SMARCAD1: variants seen among roughly 807,000 people sequenced by gnomAD.
The protein encoded by SMARCAD1 is SNF2 related chromatin remodeling ATPase with DExD box 1.
A neutral mutation model predicts 127.1 loss-of-function variants in SMARCAD1; 25 were observed. The ratio of observed to expected loss-of-function variants is 0.20; its 90% confidence interval spans 0.14 to 0.27. The LOEUF (loss-of-function observed/expected upper bound fraction) is 0.27, where lower values mean the gene tolerates loss of function less well. SMARCAD1 is among the 10% of genes least tolerant of loss of function. SMARCAD1 has a pLI of 1.00. For missense variants in SMARCAD1, 807 were observed against 1,206.0 expected (o/e 0.67, Z 4.90); for synonymous variants, 400 against 396.9 (o/e 1.01, Z -0.09).
At position 94,253,644 on chromosome 4, in the gene SMARCAD1, G is replaced by A. The variant is rs184266956; in HGVS notation, c.1281+637G>A. 2.1e-3 allele frequency: 2,141 copies of A among 1,030,246 alleles called. 4 individuals are homozygous for A. Among genetic ancestry groups the A allele is most frequent in the Non-Finnish European group, 2.4e-3 (2,062 of 856,108 alleles). 63.8% of individuals were successfully genotyped at this position (1,030,246 alleles called of 1,614,324 possible). A position where few individuals can be genotyped will look rare whatever the true frequency, so the allele number is the denominator to read the frequency against. ...ATTTCTGGAAGCCTATAATTCAAGC[G>A]TTAGGTGAAGGGAAGGCATAAGCAC... On this transcript the variant is annotated intron_variant, in intron 9 of 23. Transcript: ENST00000354268.
intron 6 of SMARCAD1, among the ~76,000 whole-genome samples, chr4:94,248,866 G>A (rs866655440): frequency 2.9e-4 from 44 of 152,142 alleles, no homozygotes; most frequent in Admixed American, 7.9e-4. Context: ...TCAGTTGTTG[G>A]ATAATAAAGG....
Position 94,250,757 on chromosome 4 carries a change from T to C in SMARCAD1, c.813T>C (p.Leu271=), listed in dbSNP as rs771088396. The C allele has an allele frequency of 6.3e-7, 1 of 1,594,766 alleles. No individual in the cohort carries two copies. The highest frequency in any genetic ancestry group is 8.5e-7 in the Non-Finnish European group (1 of 1,172,720). The change falls in exon 8 of 24, where the codon CTT becomes CTC. Residue 271 remains leucine (L), a synonymous_variant. Coordinates refer to ENST00000354268, the MANE Select transcript of SMARCAD1 (RefSeq NM_020159.5). Reference sequence around the variant, plus strand: ...GATAAATGACTTATTTCTAGGAACTTAGAGAAGTACTCAAGGAACATGAAT... The same window carrying C: ...GATAAATGACTTATTTCTAGGAACTCAGAGAAGTACTCAAGGAACATGAAT... ...KEFPNFDKQE[L]REVLKEHEWM...
intron 2 of SMARCAD1, among the ~76,000 whole-genome samples, chr4:94,223,874 C>T (rs1744581740): frequency 2.0e-5 from 3 of 151,988 alleles, no homozygotes; most frequent in South Asian, 2.1e-4. Context: ...AGCCACCGCA[C>T]CTGGCCTCTC....
chr4:94,253,545 T>C (rs751372131), intron 9 of SMARCAD1: 148 of 1,105,186 alleles, frequency 1.3e-4, no homozygotes, highest in Non-Finnish European at 1.6e-4. Flanking sequence ...CTAACATGTT[T>C]TTGTTGGTTA....
chr4:94,280,974 T>C (rs905789417), intron 20 of SMARCAD1, among the ~76,000 whole-genome samples, 194 bp downstream of exon 20: 7 of 126,828 alleles, frequency 5.5e-5, no homozygotes, highest in Non-Finnish European at 1.2e-4. Flanking sequence ...ACAAAAACAA[T>C]AGAAAGTTAG....
chr4:94,270,892 T>A (rs1752451838), intron 11 of SMARCAD1, 74 bp downstream of exon 11: 1 of 1,428,676 alleles, frequency 7.0e-7, no homozygotes, highest in Non-Finnish European at 9.8e-7. Flanking sequence ...ATTTAAAACA[T>A]GAAACTTTTT....
Position 94,208,073 on chromosome 4 carries a change from A to C in SMARCAD1, c.-50+3A>C. ...GGAACGTGCCTGCGCGTGCTTGGGTAAGAGGAGGTTGCATGAGGGTCAGCT... is the reference window on the plus strand; with the variant it reads ...GGAACGTGCCTGCGCGTGCTTGGGTCAGAGGAGGTTGCATGAGGGTCAGCT... On this transcript the variant is annotated splice_donor_region_variant and intron_variant, in intron 1 of 23. Transcript: ENST00000354268. The C allele has an allele frequency of 4.0e-6, 2 of 501,030 alleles. No individual in the cohort carries two copies. The highest frequency in any genetic ancestry group is 1.9e-5 in the African/African-American group (1 of 52,022). The allele number at this position is 501,030 out of a possible 1,614,324, so 31.0% of individuals were successfully genotyped here.
chr4:94,289,491 C>A lies in SMARCAD1; in HGVS notation c.3038C>A (p.Pro1013Gln). 6.2e-7 allele frequency: 1 copy of A among 1,612,916 alleles called. No individual in the cohort carries two copies. The highest frequency in any genetic ancestry group is 2.2e-5 in the East Asian group (1 of 44,764). ...TVDEGDEGSM[P>Q]ADIATLLKTS... The stretch of plus-strand genomic sequence containing the variant: ...CCTACAGGTGATGAAGGGAGTATGC[C>A]AGCAGATATAGCCACATTACTAAAA... Residue 1013 changes from proline to glutamine, a missense_variant, in exon 24 of 24, where the codon CCA (proline) becomes CAA (glutamine). This residue lies in a region of SMARCAD1 where 36 missense variants were observed against 67.4 expected (regional missense o/e 0.53). Transcript: ENST00000354268.
intron 9 of SMARCAD1, among the ~76,000 whole-genome samples, chr4:94,259,661 A>G (rs1750655701): frequency 6.6e-6 from 1 of 152,152 alleles, no homozygotes; most frequent in Admixed American, 6.5e-5. Flanking sequence ...ACTCCCCTTC[A>G]TTGCCTCCCC....
intron 6 of SMARCAD1, among the ~76,000 whole-genome samples, chr4:94,242,995 CAG>C (rs1319126659): frequency 6.6e-6 from 1 of 152,154 alleles, no homozygotes; most frequent in Non-Finnish European, 1.5e-5. Flanking sequence ...CTTTTCGAGA[CAG>C]AGTCTCATCC....
chr4:94,290,009 A>G lies in SMARCAD1; in HGVS notation c.*475A>G, dbSNP rs1184424065. The G allele has an allele frequency of 2.2e-6, 1 of 454,340 alleles. No individual in the cohort carries two copies. The highest frequency in any genetic ancestry group is 4.4e-6 in the Non-Finnish European group (1 of 226,776). 28.1% of individuals were successfully genotyped at this position (454,340 alleles called of 1,614,324 possible). ...TATGTTAAAGAATGCAGCTGTATAGATTATATAGCTTTCATTTTATTGCTA... is the reference window on the plus strand; with the variant it reads ...TATGTTAAAGAATGCAGCTGTATAGGTTATATAGCTTTCATTTTATTGCTA... On this transcript the variant is annotated 3_prime_UTR_variant, in exon 24 of 24. Transcript: ENST00000354268.
At chr4:94,252,380 A>T (rs1315261065) in intron 8 of SMARCAD1, among the ~76,000 whole-genome samples, 1 of 152,192 alleles carries the variant, frequency 6.6e-6, no homozygotes, top group Non-Finnish European at 1.5e-5. Flanking sequence ...TTTGTTAGAA[A>T]ACAGAGATTT....
intron 10 of SMARCAD1, among the ~76,000 whole-genome samples, chr4:94,267,120 C>G (rs534960772): frequency 2.0e-5 from 3 of 151,986 alleles, no homozygotes; most frequent in African/African-American, 7.2e-5. Flanking sequence ...TATATTTAAT[C>G]AAGTGTGTCT....
At chr4:94,228,285 CTT>C (rs1434917047) in intron 3 of SMARCAD1, among the ~76,000 whole-genome samples, 1 of 152,144 alleles carries the variant, frequency 6.6e-6, no homozygotes, top group Non-Finnish European at 1.5e-5. Context: ...CTCTCACAGT[CTT>C]TTCAGAATTA....
Position 94,208,515 on chromosome 4 carries a change from G to GAAGAGGAGA in SMARCAD1, c.123_131dup (p.Glu43_Asn44insLysGluGlu), listed in dbSNP as rs1560504637. 1 of 1,614,138 alleles carries GAAGAGGAGA rather than the reference G, an allele frequency of 6.2e-7. No individual in the cohort carries two copies. The highest frequency in any genetic ancestry group is 2.2e-5 in the East Asian group (1 of 44,876). ...TTCTTCACCAATTTCTCTTAGTGCT[G>GAAGAGGAGA]AAGAGGAGAATGCTGAAGGGGAAGT... On this transcript the variant is annotated inframe_insertion, in exon 2 of 24. Coordinates refer to ENST00000354268, the MANE Select transcript of SMARCAD1 (RefSeq NM_020159.5).
rs1225859271 is a variant in SMARCAD1 at position 94,290,508 on chromosome 4, G to A, written c.*974G>A. The stretch of plus-strand genomic sequence containing the variant: ...TCATCTAAAGGCAGCATTAGGTACT[G>A]CATGGAAATAGGTCATTAACTTGAA... On this transcript the variant is annotated 3_prime_UTR_variant, in exon 24 of 24. Transcript: ENST00000354268. The A allele has an allele frequency of 2.2e-6, 1 of 454,468 alleles. No individual in the cohort carries two copies. Among genetic ancestry groups the A allele is most frequent in the Non-Finnish European group, 4.4e-6 (1 of 226,764 alleles). 28.2% of individuals were successfully genotyped at this position (454,468 alleles called of 1,614,324 possible).
Position 94,215,160 on chromosome 4 carries a change from A to G in SMARCAD1, c.190+6576A>G, listed in dbSNP as rs115826782. On this transcript the variant is annotated intron_variant, in intron 2 of 23. Transcript: ENST00000354268. Reference sequence around the variant, plus strand: ...GTCTTTTTGTAGGTGTCTGTGGCCAAAATGTGAGCCATCGTTAAACCTGTA... The same window carrying G: ...GTCTTTTTGTAGGTGTCTGTGGCCAGAATGTGAGCCATCGTTAAACCTGTA... Among the ~76,000 whole-genome samples, 439 of 152,306 alleles carry G rather than the reference A, an allele frequency of 2.9e-3. 2 individuals carry two copies. The highest frequency in any genetic ancestry group is 0.01 in the African/African-American group (416 of 41,560).
rs145651777 is a variant in SMARCAD1, at chr4:94,208,361, C to G, written c.-34C>G. The stretch of plus-strand genomic sequence containing the variant: ...TCCCCTGCAGATAGTTCATTTAAAG[C>G]CCCCATCCCTGCAAGGTGGTGCTTT... On this transcript the variant is annotated 5_prime_UTR_variant, in exon 2 of 24. Coordinates refer to ENST00000354268, the MANE Select transcript of SMARCAD1 (RefSeq NM_020159.5). 105 of 1,607,186 alleles carry G rather than the reference C, an allele frequency of 6.5e-5. No individual in the cohort carries two copies. In the African/African-American group the frequency reaches 1.3e-3, roughly 21 times the overall value.
intron 6 of SMARCAD1, among the ~76,000 whole-genome samples, chr4:94,242,528 A>G (rs975674344): frequency 9.9e-5 from 15 of 152,162 alleles, no homozygotes; most frequent in Admixed American, 7.2e-4. Context: ...AGTTGTACAC[A>G]GGGCTACTCT....
Sources: gnomAD v4.1 joint callset for allele counts (sites outside exome capture counted in the v4.1 genomes callset) on GRCh38, gnomAD v4.1.1 for gene constraint, gnomAD v4.1.1 regional missense constraint, MANE v1.5 for transcripts, NCBI Gene and HGNC (gene_info 2026-07-23, HGNC 2026-07-21) for gene names.